Variants in BIN2 observed in about 807,000 individuals in gnomAD.
BIN2 encodes the protein bridging integrator 2, also known as breast cancer associated protein BRAP1.
BIN2 carries 43 observed loss-of-function variants against 67.9 expected under a neutral mutation model. The ratio of observed to expected loss-of-function variants is 0.63; its 90% CI spans 0.50 to 0.82. The LOEUF is 0.82. Ranked by LOEUF, BIN2 falls within the 40% of genes least tolerant of loss-of-function variation. The pLI is 0.00. For missense variants in BIN2, 581 were observed against 671.6 expected (o/e 0.87, Z 1.49); for synonymous variants, 244 against 246.8 (o/e 0.99, Z 0.11).
intron 11 of BIN2, among the ~76,000 whole-genome samples, chr12:51,285,095 G>A (rs1043120938): frequency 1.3e-5 from 2 of 152,162 alleles, no homozygotes; most frequent in African/African-American, 4.8e-5. Flanking sequence ...TGGTGTGGAT[G>A]TGTATCTATA....
At chr12:51,324,363 C>G, upstream of BIN2, 1 of 1,303,798 alleles carries the variant, frequency 7.7e-7, no homozygotes, top group South Asian at 1.6e-5. Flanking sequence ...AACCCCTGCC[C>G]GAAACCTCGG....
chr12:51,300,829 A>G (rs1367042792), intron 5 of BIN2, among the ~76,000 whole-genome samples: 1 of 152,158 alleles, frequency 6.6e-6, no homozygotes, highest in Non-Finnish European at 1.5e-5. Context: ...AGTCTATTTC[A>G]TTTCATTTTT....
At chr12:51,297,419 T>G in intron 7 of BIN2, 8 of 280,632 alleles carry the variant, frequency 2.9e-5, no homozygotes, top group Non-Finnish European at 4.7e-5. Context: ...AAAAAAAAAT[T>G]AGCCGGGCGT....
rs186080715 is a variant in BIN2, at chr12:51,293,592, G to A, written c.762-1248C>T. ...CTCCCAAAGTGCTGGGATTACAGGC[G>A]TGAGCCATCGTGCCTGGCACAAAAA... On this transcript the variant is annotated intron_variant, in intron 9 of 12. Transcript: ENST00000615107. Among the ~76,000 whole-genome samples, 95 of 152,256 alleles carry A rather than the reference G, an allele frequency of 6.2e-4. 1 individual carries two copies. The highest frequency in any genetic ancestry group is 2.1e-3 in the African/African-American group (89 of 41,548).
chr12:51,313,251 G>GCA (rs1490726281), intron 2 of BIN2, among the ~76,000 whole-genome samples: 8 of 151,734 alleles, frequency 5.3e-5, no homozygotes, highest in East Asian at 1.9e-4. Context: ...AGGCAGGCAG[G>GCA]GAGGGAGGGA....
intron 9 of BIN2, among the ~76,000 whole-genome samples, chr12:51,292,929 G>A (rs961665500): frequency 1.3e-5 from 2 of 152,160 alleles, no homozygotes; most frequent in Non-Finnish European, 2.9e-5. Flanking sequence ...CAAAAAGACT[G>A]TGATGTGCCT....
At chr12:51,315,209 G>A (rs1478127021) in intron 1 of BIN2, among the ~76,000 whole-genome samples, 1 of 150,786 alleles carries the variant, frequency 6.6e-6, no homozygotes, top group Non-Finnish European at 1.5e-5. Context: ...TCGCTCTGTC[G>A]CCCAGGCTGG....
chr12:51,299,074 C>CA, intron 7 of BIN2, 129 bp downstream of exon 7: 2 of 608,032 alleles, frequency 3.3e-6, no homozygotes, highest in Non-Finnish European at 5.5e-6. Context: ...GACCCTGTCT[C>CA]GAAAAAAAAA....
At chr12:51,318,706 AACTTTTGAGCCTCGGTTT>A (rs1319902669) in intron 1 of BIN2, among the ~76,000 whole-genome samples, 1 of 152,120 alleles carries the variant, frequency 6.6e-6, no homozygotes, top group African/African-American at 2.4e-5. Context: ...AAGTCATTAA[AACTTTTGAGCCTCGGTTT>A]ACAGAACTCC....
intron 1 of BIN2, among the ~76,000 whole-genome samples, chr12:51,315,648 TGAG>T (rs1565689442): frequency 6.6e-6 from 1 of 152,166 alleles, no homozygotes; most frequent in Non-Finnish European, 1.5e-5. Flanking sequence ...TCTAGATAGA[TGAG>T]GTTAGAGAGG....
chr12:51,298,297 G>C (rs1275959366), intron 7 of BIN2, among the ~76,000 whole-genome samples: 1 of 152,246 alleles, frequency 6.6e-6, no homozygotes, highest in South Asian at 2.1e-4. Context: ...GCTTGAATCC[G>C]GGAGGTGGAG....
intron 3 of BIN2, 36 bp from the exon 4 acceptor site, chr12:51,302,816 C>T (rs770324157): frequency 3.6e-5 from 55 of 1,543,324 alleles, no homozygotes; most frequent in Middle Eastern, 3.4e-4. Context: ...CATCATGTTT[C>T]CCCAACAGTA....
At chr12:51,308,195 C>A (rs983310075) in intron 2 of BIN2, among the ~76,000 whole-genome samples, 2 of 152,120 alleles carry the variant, frequency 1.3e-5, no homozygotes, top group Admixed American at 6.6e-5. Flanking sequence ...CTTGGGTTCT[C>A]GCTTGTCTGG....
intron 11 of BIN2, among the ~76,000 whole-genome samples, chr12:51,285,098 T>C (rs1467369530): frequency 6.6e-6 from 1 of 152,180 alleles, no homozygotes; most frequent in Non-Finnish European, 1.5e-5. Context: ...TGTGGATGTG[T>C]ATCTATAAGG....
At chr12:51,309,029 T>G (rs981809952) in intron 2 of BIN2, among the ~76,000 whole-genome samples, 1 of 152,050 alleles carries the variant, frequency 6.6e-6, no homozygotes, top group African/African-American at 2.4e-5. Context: ...TGGCAAGACT[T>G]TGAAATCAGG....
At chr12:51,283,290 C>T (rs79648601) in intron 12 of BIN2, among the ~76,000 whole-genome samples, 1,856 of 148,228 alleles carry the variant, frequency 0.013, 28 homozygotes, top group African/African-American at 0.043. Context: ...AAAAGTTCTG[C>T]TTATTTAAAA....
chr12:51,294,468 G>A (rs1335380763), intron 9 of BIN2, among the ~76,000 whole-genome samples: 1 of 151,864 alleles, frequency 6.6e-6, no homozygotes, highest in Non-Finnish European at 1.5e-5. Flanking sequence ...TCTGGAGGCT[G>A]AGGCAGGAGA....
At chr12:51,319,223 A>G (rs185819467) in intron 1 of BIN2, among the ~76,000 whole-genome samples, 1 of 152,356 alleles carries the variant, frequency 6.6e-6, no homozygotes, top group East Asian at 1.9e-4. Context: ...AATCTCCCCA[A>G]TCCCCAAAAG....
intron 11 of BIN2, among the ~76,000 whole-genome samples, 200 bp from the exon 12 acceptor site, chr12:51,284,987 T>C (rs1334771719): frequency 6.6e-6 from 1 of 152,182 alleles, no homozygotes; most frequent in East Asian, 1.9e-4. Flanking sequence ...ATGAATAAAC[T>C]AAGATTCAAA....
Sources: gnomAD v4.1 joint callset for allele counts (sites outside exome capture counted in the v4.1 genomes callset) on GRCh38, gnomAD v4.1.1 for gene constraint, MANE v1.5 for transcripts, NCBI Gene and HGNC (gene_info 2026-07-23, HGNC 2026-07-21) for gene names.